Variants in ZNF91 observed in about 807,000 individuals in gnomAD.
ZNF91 encodes zinc finger protein 91 (HPF7, HTF10).
Under a neutral mutation model 12.6 loss-of-function variants are expected in ZNF91, and 7 were observed. That is an observed-to-expected ratio of 0.55 (90% CI 0.31 to 1.04). ZNF91 has a LOEUF of 1.04. ZNF91 is among the 50% of genes least tolerant of loss of function. The probability of loss-of-function intolerance (pLI) is 0.05; values close to 1 mark genes in which losing one functional copy is unlikely to be tolerated. For missense variants in ZNF91, 1,217 were observed against 1,385.4 expected (o/e 0.88, Z 1.93); for synonymous variants, 453 against 462.6 (o/e 0.98, Z 0.27).
intron 3 of ZNF91, among the ~76,000 whole-genome samples, chr19:23,343,032 T>C (rs574508353): frequency 1.3e-5 from 2 of 152,354 alleles, no homozygotes; most frequent in East Asian, 3.9e-4. Context: ...TTCTGTAATA[T>C]ATTTTTGCAT....
chr19:23,371,507 A>G (rs1969277626), intron 3 of ZNF91, among the ~76,000 whole-genome samples: 1 of 152,234 alleles, frequency 6.6e-6, no homozygotes, highest in Non-Finnish European at 1.5e-5. Context: ...ACACTGACTT[A>G]AAGTATACAA....
chr19:23,381,550 C>T (rs541795413), intron 1 of ZNF91, among the ~76,000 whole-genome samples: 4 of 151,724 alleles, frequency 2.6e-5, no homozygotes, highest in African/African-American at 9.7e-5. Context: ...CAACCTCCAC[C>T]TCCTGGATTC....
In ZNF91 at chr19:23,360,373, A is replaced by C. The variant is rs199967646; in HGVS notation, c.2606T>G (p.Leu869Arg). 1 of 1,614,074 alleles carries C rather than the reference A, an allele frequency of 6.2e-7. No individual in the cohort carries two copies. The highest frequency in any genetic ancestry group is 8.5e-7 in the Non-Finnish European group (1 of 1,179,994). ...CGKAFNQSSN[L>R]TTHKIIHTKE... is the part of the protein sequence containing the mutation. ...AGTATGAATTATCTTATGTGTCGTA[A>C]GATTTGAAGATTGATTAAAAGCTTT... The change falls in exon 4 of 4, where the codon CTT becomes CGT. Residue 869 changes from leucine to arginine, a missense_variant. By Grantham distance (102) the Leu-to-Arg change is moderately radical. Coordinates refer to ENST00000300619, the MANE Select transcript of ZNF91 (RefSeq NM_003430.4).
At chr19:23,393,630 T>C (rs1970140228) in intron 1 of ZNF91, among the ~76,000 whole-genome samples, 1 of 152,208 alleles carries the variant, frequency 6.6e-6, no homozygotes, top group African/African-American at 2.4e-5. Context: ...AGATTATTCT[T>C]TGCTTTCTTC....
downstream of ZNF91, chr19:23,338,624 C>T (rs920790921): frequency 5.3e-5 from 8 of 150,946 alleles, no homozygotes; most frequent in African/African-American, 2.0e-4. Context: ...AATCAAATCA[C>T]AACATGACAG....
chr19:23,332,214 A>G (rs1967939498), intron 1 of ZNF91, among the ~76,000 whole-genome samples: 1 of 152,188 alleles, frequency 6.6e-6, no homozygotes, highest in South Asian at 2.1e-4. Context: ...TCAATAATCA[A>G]AAGTTGAACT....
At chr19:23,340,328 T>C (rs1022005387) in intron 3 of ZNF91, among the ~76,000 whole-genome samples, 9 of 151,586 alleles carry the variant, frequency 5.9e-5, no homozygotes, top group Non-Finnish European at 1.3e-4. Flanking sequence ...AATAAACAAA[T>C]CAGATATAAA....
At chr19:23,371,205 G>A (rs548311773) in intron 3 of ZNF91, among the ~76,000 whole-genome samples, 1 of 152,194 alleles carries the variant, frequency 6.6e-6, no homozygotes, top group South Asian at 2.1e-4. Flanking sequence ...AATTAGCCGG[G>A]CATGGTGGTA....
chr19:23,312,480 C>G (rs933516254), upstream of ZNF91, among the ~76,000 whole-genome samples: 1 of 152,180 alleles, frequency 6.6e-6, no homozygotes, highest in Non-Finnish European at 1.5e-5. Context: ...AGTGTCAACA[C>G]AGAGTCCAAG....
chr19:23,325,088 G>A (rs986402541), intron 1 of ZNF91: 2 of 151,446 alleles, frequency 1.3e-5, no homozygotes, highest in African/African-American at 4.9e-5. Flanking sequence ...GCAAACAAGT[G>A]CCACTGATCT....
chr19:23,348,362 T>C (rs1420155083), intron 3 of ZNF91, among the ~76,000 whole-genome samples: 1 of 152,230 alleles, frequency 6.6e-6, no homozygotes, highest in Non-Finnish European at 1.5e-5. Context: ...TTCATGGACA[T>C]TTATTAGTTC....
intron 1 of ZNF91, among the ~76,000 whole-genome samples, chr19:23,391,068 G>A (rs900438978): frequency 2.0e-5 from 3 of 152,192 alleles, no homozygotes; most frequent in Non-Finnish European, 4.4e-5. Flanking sequence ...TTAGTTCTGT[G>A]AGAAATTGCC....
In ZNF91 at chr19:23,362,546, A is replaced by G. The variant is rs1485530942; in HGVS notation, c.433T>C (p.Cys145Arg). Reference sequence around the variant, plus strand: ...ACTTTGCTCTGGGCAGTTGTGAGACACTGGTTAAGTTTATTATAACCTTCT... The same window carrying G: ...ACTTTGCTCTGGGCAGTTGTGAGACGCTGGTTAAGTTTATTATAACCTTCT... ...HKEGYNKLNQ[C>R]LTTAQSKVFQ... Residue 145 changes from cysteine to arginine, a missense_variant, in exon 4 of 4, where the codon TGT (cysteine) becomes CGT (arginine). Physicochemically the swap from Cys to Arg is radical, Grantham distance 180. This residue lies in a region of ZNF91 where 726 missense variants were observed against 895.5 expected (regional missense o/e 0.81). Transcript: ENST00000300619. The G allele has an allele frequency of 6.2e-7, 1 of 1,601,064 alleles. No individual in the cohort carries two copies. The highest frequency in any genetic ancestry group is 8.5e-7 in the Non-Finnish European group (1 of 1,175,148).
In ZNF91 at chr19:23,362,038, C is replaced by A. The variant is rs951506124; in HGVS notation, c.941G>T (p.Arg314Ile). ...SHSSTLAKHK[R>I]IHTGEKPYKC... ...GTAGGGTTTCTCTCCAGTATGAATT[C>A]TCTTATGTTTAGCAAGGGTTGAAGA... The change falls in exon 4 of 4, where the codon AGA becomes ATA. Residue 314 changes from arginine to isoleucine, a missense_variant. Transcript: ENST00000300619. 9 of 1,611,892 alleles carry A rather than the reference C, an allele frequency of 5.6e-6. No individual in the cohort carries two copies. The highest frequency in any genetic ancestry group is 2.7e-5 in the African/African-American group (2 of 74,292).
At chr19:23,388,241 G>A (rs1264752737) in intron 1 of ZNF91, among the ~76,000 whole-genome samples, 1 of 151,884 alleles carries the variant, frequency 6.6e-6, no homozygotes, top group Admixed American at 6.6e-5. Context: ...GTGAGACCCT[G>A]TCTCTAAAAT....
chr19:23,321,878 C>T (rs1967704047), intron 1 of ZNF91, among the ~76,000 whole-genome samples: 3 of 152,168 alleles, frequency 2.0e-5, no homozygotes, highest in Non-Finnish European at 4.4e-5. Flanking sequence ...ATCCCTGGGC[C>T]CAGAACACAG....
chr19:23,375,207 C>T (rs192394259), intron 1 of ZNF91, among the ~76,000 whole-genome samples: 1 of 151,720 alleles, frequency 6.6e-6, no homozygotes, highest in South Asian at 2.1e-4. Flanking sequence ...GTTGCCCAGG[C>T]TGGAGCACAG....
downstream of ZNF91, chr19:23,338,660 TAAAA>T (rs150113620): frequency 2.7e-5 from 4 of 146,714 alleles, no homozygotes; most frequent in Admixed American, 2.7e-4. Context: ...CAAAGACAGA[TAAAA>T]AAATAAGACA....
chr19:23,363,346 A>G (rs1252195073), intron 3 of ZNF91, among the ~76,000 whole-genome samples: 1 of 152,216 alleles, frequency 6.6e-6, no homozygotes, highest in Non-Finnish European at 1.5e-5. Flanking sequence ...ATTTGGAATG[A>G]AAGTTTGAGT....
Sources: gnomAD v4.1 joint callset for allele counts (sites outside exome capture counted in the v4.1 genomes callset) on GRCh38, gnomAD v4.1.1 for gene constraint, gnomAD v4.1.1 regional missense constraint, MANE v1.5 for transcripts, NCBI Gene and HGNC (gene_info 2026-07-23, HGNC 2026-07-21) for gene names.